CEP63: variants seen among roughly 807,000 people sequenced by gnomAD.
The protein encoded by CEP63 is centrosomal protein of 63 kDa.
In CEP63, 84 loss-of-function variants were observed where a neutral mutation model predicts 89.1. That is an observed-to-expected ratio of 0.94 (90% CI 0.79 to 1.13). The LOEUF (loss-of-function observed/expected upper bound fraction) is 1.13, where lower values mean the gene tolerates loss of function less well. Among genes scored for constraint, CEP63 ranks in the 50% most tolerant of loss-of-function variants. CEP63 has a pLI of 0.00. For missense variants in CEP63, 838 were observed against 813.3 expected, an observed-to-expected ratio of 1.03 and a Z score of -0.37; for synonymous variants, 267 against 272.5, an observed-to-expected ratio of 0.98 and a Z score of 0.20.
the CEP63 span, among the ~76,000 whole-genome samples, chr3:134,658,817 G>A: frequency 6.6e-6 from 1 of 152,206 alleles, no homozygotes; most frequent in South Asian, 2.1e-4. Context: ...TCAGTCCCAT[G>A]CAGACACCAG....
intron 3 of CEP63, among the ~76,000 whole-genome samples, chr3:134,529,592 T>A (rs1949450579): frequency 6.6e-6 from 1 of 151,920 alleles, no homozygotes; most frequent in Admixed American, 6.6e-5. Context: ...CCGCCTGCCT[T>A]GGCCTCCCAA....
intron 2 of CEP63, among the ~76,000 whole-genome samples, chr3:134,498,151 A>C (rs560407044): frequency 6.6e-6 from 1 of 152,216 alleles, no homozygotes; most frequent in South Asian, 2.1e-4. Context: ...CTGTGGATAG[A>C]TTTGGATATA....
the CEP63 span, among the ~76,000 whole-genome samples, chr3:134,632,532 A>G: frequency 6.6e-6 from 1 of 152,058 alleles, no homozygotes; most frequent in African/African-American, 2.4e-5. Flanking sequence ...AGTCTCAAGG[A>G]AAATTAGAAA....
chr3:134,562,026 GGGCTGGTAGTGTGTAAAGTCA>G lies in CEP63; in HGVS notation c.*503_*523del. 9.9e-7 allele frequency: 1 copy of G among 1,010,122 alleles called. No individual in the cohort carries two copies. Among genetic ancestry groups the G allele is most frequent in the Non-Finnish European group, 1.2e-6 (1 of 845,084 alleles). The allele number at this position is 1,010,122 out of a possible 1,614,324, so 62.6% of individuals were successfully genotyped here. A position where few individuals can be genotyped will look rare whatever the true frequency, so the allele number is the denominator to read the frequency against. ...GGGCTGGTAGCCCCTCCTAGCCAAG[GGGCTGGTAGTGTGTAAAGTCA>G]GGCTGGTAGTGAATAAGGGGGGGGT... On this transcript the variant is annotated 3_prime_UTR_variant, in exon 15 of 15. Coordinates refer to ENST00000675561, the MANE Select transcript of CEP63 (RefSeq NM_001353108.3).
intron 3 of CEP63, among the ~76,000 whole-genome samples, chr3:134,516,261 A>G (rs1946187189): frequency 6.6e-6 from 1 of 152,232 alleles, no homozygotes; most frequent in South Asian, 2.1e-4. Context: ...GCATACACAT[A>G]AACATCTCAG....
chr3:134,728,003 A>G, the CEP63 span, among the ~76,000 whole-genome samples: 1 of 152,116 alleles, frequency 6.6e-6, no homozygotes. Context: ...ATTTAAAACT[A>G]TAAGGTATAG....
intron 6 of CEP63, among the ~76,000 whole-genome samples, chr3:134,544,631 CTAGG>C (rs1952794960): frequency 1.2e-5 from 1 of 83,420 alleles, no homozygotes; most frequent in African/African-American, 4.0e-5. Context: ...ACAACATGCT[CTAGG>C]TGGGGGGGGG....
At chr3:134,643,084 C>T in the CEP63 span, among the ~76,000 whole-genome samples, 2 of 152,250 alleles carry the variant, frequency 1.3e-5, no homozygotes, top group East Asian at 3.9e-4. Context: ...TGCTCTGAGG[C>T]CCATGGGCTT....
At chr3:134,486,368 C>T in intron 1 of CEP63, 166 bp downstream of exon 1, 9 of 985,666 alleles carry the variant, frequency 9.1e-6, no homozygotes, top group Non-Finnish European at 1.1e-5. Flanking sequence ...GCGCAACGGC[C>T]TGCGAACCAC....
At chr3:134,707,438 C>G in the CEP63 span, among the ~76,000 whole-genome samples, 1 of 152,194 alleles carries the variant, frequency 6.6e-6, no homozygotes, top group Non-Finnish European at 1.5e-5. Context: ...ATGGATAGCA[C>G]AAGCAATTGG....
chr3:134,503,029 T>C (rs996701485), intron 2 of CEP63, among the ~76,000 whole-genome samples: 9 of 151,988 alleles, frequency 5.9e-5, no homozygotes, highest in Admixed American at 4.6e-4. Context: ...TTTTGTGGTT[T>C]TGAGAATTCC....
intron 10 of CEP63, 109 bp downstream of exon 10, chr3:134,549,285 G>C (rs1954288346): frequency 1.4e-6 from 1 of 718,848 alleles, no homozygotes; most frequent in African/African-American, 1.8e-5. Flanking sequence ...GTAGTTCAAG[G>C]GACCACTTGA....
At chr3:134,679,712 A>G in the CEP63 span, among the ~76,000 whole-genome samples, 1 of 152,090 alleles carries the variant, frequency 6.6e-6, no homozygotes, top group South Asian at 2.1e-4. Flanking sequence ...CTAATCCAAC[A>G]TGACTGGCAA....
intron 12 of CEP63, chr3:134,553,494 A>G (rs1298970513): frequency 6.6e-6 from 1 of 152,196 alleles, no homozygotes; most frequent in African/African-American, 2.4e-5. Context: ...AATCTAGTAG[A>G]AAAATAGGCA....
At chr3:134,571,069 A>G (rs990197159) in intron 11 of CEP63, among the ~76,000 whole-genome samples, 1 of 152,226 alleles carries the variant, frequency 6.6e-6, no homozygotes, top group Non-Finnish European at 1.5e-5. Flanking sequence ...CCCTCCCACA[A>G]CGTGGGAATT....
At chr3:134,486,543 C>T in intron 1 of CEP63, 4 of 985,554 alleles carry the variant, frequency 4.1e-6, no homozygotes, top group Non-Finnish European at 4.8e-6. Flanking sequence ...GGGGGCGCTT[C>T]GGAGAGTGGC....
intron 5 of CEP63, chr3:134,536,683 A>T (rs898404555): frequency 3.7e-5 from 8 of 216,812 alleles, no homozygotes; most frequent in African/African-American, 1.1e-4. Flanking sequence ...TTAGTTTTAG[A>T]TACTGGGAAG....
At chr3:134,653,522 T>C in the CEP63 span, among the ~76,000 whole-genome samples, 1 of 152,206 alleles carries the variant, frequency 6.6e-6, no homozygotes, top group Non-Finnish European at 1.5e-5. Flanking sequence ...GATGCTCTTC[T>C]TAATGCCAAC....
At chr3:134,492,871 T>A (rs573642036) in intron 1 of CEP63, among the ~76,000 whole-genome samples, 1 of 152,278 alleles carries the variant, frequency 6.6e-6, no homozygotes, top group Non-Finnish European at 1.5e-5. Flanking sequence ...TTTTAGTTTA[T>A]CATAGTCAAG....
Sources: gnomAD v4.1 joint callset for allele counts (sites outside exome capture counted in the v4.1 genomes callset) on GRCh38, gnomAD v4.1.1 for gene constraint, MANE v1.5 for transcripts, NCBI Gene and HGNC (gene_info 2026-07-23, HGNC 2026-07-21) for gene names.